Variants in FIGN observed in about 807,000 individuals in gnomAD.
FIGN encodes the protein fidgetin, microtubule severing factor.
In FIGN, 11 loss-of-function variants were observed where a neutral mutation model predicts 51.3. That is an observed-to-expected ratio of 0.21 (90% CI 0.13 to 0.35). FIGN has a LOEUF of 0.35. Ranked by LOEUF, FIGN falls within the 10% of genes least tolerant of loss-of-function variation. The pLI, the probability that FIGN is intolerant of heterozygous loss-of-function variation, is 1.00. For synonymous variants in FIGN, 407 were observed against 363.2 expected (o/e 1.12, Z -1.37); for missense variants, 857 against 943.6 (o/e 0.91, Z 1.20).
At chr2:163,690,924 T>C (rs1684230622) in intron 2 of FIGN, among the ~76,000 whole-genome samples, 1 of 152,074 alleles carries the variant, frequency 6.6e-6, no homozygotes, top group South Asian at 2.1e-4. Context: ...TTTTAAACTA[T>C]AGATTTAGTC....
chr2:163,720,802 G>A (rs1684744318), intron 2 of FIGN, among the ~76,000 whole-genome samples: 1 of 152,134 alleles, frequency 6.6e-6, no homozygotes, highest in Non-Finnish European at 1.5e-5. Flanking sequence ...ACACACGTGT[G>A]CACGCATGCA....
At chr2:163,696,050 G>A (rs1304050177) in intron 2 of FIGN, among the ~76,000 whole-genome samples, 1 of 152,164 alleles carries the variant, frequency 6.6e-6, no homozygotes, top group African/African-American at 2.4e-5. Flanking sequence ...AGTGGAGGTT[G>A]CGGTGAGCCA....
At chr2:163,627,202 T>G (rs1018075157) in intron 2 of FIGN, among the ~76,000 whole-genome samples, 13 of 152,162 alleles carry the variant, frequency 8.5e-5, no homozygotes, top group Admixed American at 7.2e-4. Flanking sequence ...GAATTCTTTC[T>G]TTCGTGACAT....
intron 2 of FIGN, among the ~76,000 whole-genome samples, chr2:163,638,243 T>C (rs1683255979): frequency 6.6e-6 from 1 of 151,722 alleles, no homozygotes; most frequent in African/African-American, 2.4e-5. Context: ...CAGGAATCTT[T>C]AAAAGATCAA....
chr2:163,627,111 C>A (rs1217608296), intron 2 of FIGN, among the ~76,000 whole-genome samples: 1 of 152,134 alleles, frequency 6.6e-6, no homozygotes, highest in Non-Finnish European at 1.5e-5. Flanking sequence ...TATACTCCTG[C>A]TGTGCCTTTG....
chr2:163,616,827 C>A (rs1682886155), intron 2 of FIGN, among the ~76,000 whole-genome samples: 1 of 152,068 alleles, frequency 6.6e-6, no homozygotes, highest in Non-Finnish European at 1.5e-5. Flanking sequence ...TTTATCATCT[C>A]TTGGGTTGGA....
intron 2 of FIGN, among the ~76,000 whole-genome samples, chr2:163,693,397 A>G (rs973758282): frequency 6.6e-6 from 1 of 152,202 alleles, no homozygotes; most frequent in Non-Finnish European, 1.5e-5. Flanking sequence ...ACTGGGTCCC[A>G]TTCTCTCACT....
chr2:163,703,769 T>C (rs1044957715), intron 2 of FIGN, among the ~76,000 whole-genome samples: 4 of 152,080 alleles, frequency 2.6e-5, no homozygotes, highest in African/African-American at 9.7e-5. Flanking sequence ...GTTAACTTGA[T>C]TTCAAGGACT....
intron 2 of FIGN, among the ~76,000 whole-genome samples, chr2:163,619,933 G>T (rs977826570): frequency 6.6e-6 from 1 of 152,048 alleles, no homozygotes; most frequent in East Asian, 1.9e-4. Context: ...GGTAGGTTTT[G>T]TAAATGTTTC....
chr2:163,609,449 C>A lies in FIGN; in HGVS notation c.*103G>T, dbSNP rs1399713148. The A allele has an allele frequency of 1.8e-5, 18 of 982,552 alleles. No individual in the cohort carries two copies. The highest frequency in any genetic ancestry group is 2.7e-5 in the Non-Finnish European group (18 of 673,116). 60.9% of individuals were successfully genotyped at this position (982,552 alleles called of 1,614,324 possible). On this transcript the variant is annotated 3_prime_UTR_variant, in exon 3 of 3. Coordinates refer to ENST00000333129, the MANE Select transcript of FIGN (RefSeq NM_018086.4). ...CTTAATCGTCATCTTCCCCAGTACC[C>A]TTTGCAATTTAAACTCTACTGGAAA...
At chr2:163,711,542 C>A (rs1684587669) in intron 2 of FIGN, among the ~76,000 whole-genome samples, 2 of 152,050 alleles carry the variant, frequency 1.3e-5, no homozygotes, top group South Asian at 4.2e-4. Context: ...ACTTTAAATC[C>A]CCCCACTTAG....
chr2:163,696,115 A>G (rs1204559845), intron 2 of FIGN, among the ~76,000 whole-genome samples: 1 of 152,170 alleles, frequency 6.6e-6, no homozygotes, highest in African/African-American at 2.4e-5. Context: ...CATCTCAAAA[A>G]AACAAAACAA....
chr2:163,666,039 G>T (rs1007849626), intron 2 of FIGN, among the ~76,000 whole-genome samples: 2 of 152,174 alleles, frequency 1.3e-5, no homozygotes, highest in African/African-American at 2.4e-5. Context: ...CACTCATTTT[G>T]TTTGTTTAAA....
At chr2:163,674,323 C>T (rs1283957448) in intron 2 of FIGN, among the ~76,000 whole-genome samples, 3 of 152,142 alleles carry the variant, frequency 2.0e-5, no homozygotes, top group East Asian at 1.9e-4. Context: ...AAATGAATTA[C>T]GCTTTTCTAA....
At chr2:163,617,072 C>A (rs1682890804) in intron 2 of FIGN, 1 of 982,814 alleles carries the variant, frequency 1.0e-6, no homozygotes, top group African/African-American at 1.8e-5. Context: ...TCCTCATAAG[C>A]CAAGAGGCCA....
chr2:163,645,373 GA>G (rs1683366713), intron 2 of FIGN, among the ~76,000 whole-genome samples: 2 of 152,110 alleles, frequency 1.3e-5, no homozygotes, highest in African/African-American at 2.4e-5. Context: ...TAGAATGGGG[GA>G]AAAACCTCTA....
At chr2:163,727,159 A>G (rs993439262) in intron 2 of FIGN, among the ~76,000 whole-genome samples, 4 of 152,118 alleles carry the variant, frequency 2.6e-5, no homozygotes, top group Non-Finnish European at 4.4e-5. Context: ...TGGCACAACA[A>G]TATACTATAT....
chr2:163,607,202 A>C lies in FIGN; in HGVS notation c.*2350T>G, dbSNP rs1003096072. The stretch of plus-strand genomic sequence containing the variant: ...GTGCAAAAGTAAACTTGTCAGTGAG[A>C]TCAATATGAACCTACAAGTTAATGT... On this transcript the variant is annotated 3_prime_UTR_variant, in exon 3 of 3. Coordinates refer to ENST00000333129, the MANE Select transcript of FIGN (RefSeq NM_018086.4). 1.3e-5 allele frequency: 2 copies of C among 152,224 alleles called. No homozygotes were observed. The highest frequency in any genetic ancestry group is 4.8e-5 in the African/African-American group (2 of 41,462). The allele number at this position is 152,224 out of a possible 1,614,324, so 9.4% of individuals were successfully genotyped here.
chr2:163,611,329 C>G lies in FIGN; in HGVS notation c.503G>C (p.Cys168Ser). ...LTEPSYSSST[C>S]GSHTVPSLHA... ...AAGACTGGGTACAGTGTGGCTTCCA[C>G]AGGTACTACTTGAATAACTAGGTTC... Residue 168 changes from cysteine to serine, a missense_variant, in exon 3 of 3, where the codon TGT becomes TCT. Physicochemically the swap from Cys to Ser is moderately radical, Grantham distance 112. This residue lies in a region of FIGN where 799 missense variants were observed against 849.5 expected (regional missense o/e 0.94). Coordinates refer to ENST00000333129, the MANE Select transcript of FIGN (RefSeq NM_018086.4). 6.2e-7 allele frequency: 1 copy of G among 1,614,154 alleles called. No homozygotes were observed. Among genetic ancestry groups the G allele is most frequent in the Non-Finnish European group, 8.5e-7 (1 of 1,180,016 alleles).
Sources: allele counts gnomAD v4.1 joint callset (sites outside exome capture counted in the v4.1 genomes callset), GRCh38; gene constraint gnomAD v4.1.1; regional missense constraint gnomAD v4.1.1; transcripts MANE v1.5; gene names NCBI Gene and HGNC (gene_info 2026-07-23, HGNC 2026-07-21).